The following XKR9 variants were observed in gnomAD, a reference collection of about 807,000 sequenced individuals.
XKR9 encodes XK-related protein 9.
In XKR9, 32 loss-of-function variants were observed where a neutral mutation model predicts 32.0. That is an observed-to-expected ratio of 1.00 (90% CI 0.76 to 1.34). The LOEUF is 1.34. XKR9 is among the 40% of genes most tolerant of loss of function. The pLI, the probability that XKR9 is intolerant of heterozygous loss-of-function variation, is 0.00. For synonymous variants in XKR9, 168 were observed against 143.4 expected (o/e 1.17, Z -1.22); for missense variants, 546 against 429.7 (o/e 1.27, Z -2.39).
intron 2 of XKR9, among the ~76,000 whole-genome samples, chr8:70,789,169 T>C (rs970268055): frequency 1.3e-5 from 2 of 151,988 alleles, no homozygotes; most frequent in Non-Finnish European, 2.9e-5. Flanking sequence ...GTAACTTAGG[T>C]CTGAAGGGAA....
chr8:70,933,167 AAG>A, the XKR9 span, among the ~76,000 whole-genome samples: 251 of 152,204 alleles, frequency 1.6e-3, 1 homozygote, highest in Non-Finnish European at 3.0e-3. Flanking sequence ...TCTATTATTG[AAG>A]AGAGAACATA....
At chr8:70,889,253 A>G in the XKR9 span, among the ~76,000 whole-genome samples, 1 of 149,636 alleles carries the variant, frequency 6.7e-6, no homozygotes, top group African/African-American at 2.5e-5. Flanking sequence ...TTTTTCCTCT[A>G]GTTTGTTGTT....
At chr8:70,724,586 G>A (rs1221944886) in intron 4 of XKR9, among the ~76,000 whole-genome samples, 1 of 152,112 alleles carries the variant, frequency 6.6e-6, no homozygotes. Flanking sequence ...TAGTATCTGG[G>A]CCTGATAGCA....
chr8:70,762,350 T>A (rs1382684783), intron 2 of XKR9, among the ~76,000 whole-genome samples: 1 of 152,216 alleles, frequency 6.6e-6, no homozygotes, highest in Non-Finnish European at 1.5e-5. Flanking sequence ...GGCAACGGAC[T>A]GCCAGTTCGT....
the XKR9 span, among the ~76,000 whole-genome samples, chr8:71,065,475 T>C: frequency 6.6e-6 from 1 of 152,180 alleles, no homozygotes; most frequent in Non-Finnish European, 1.5e-5. Flanking sequence ...TCCTGAACTG[T>C]GAGAAAATTA....
At chr8:71,001,600 A>C in the XKR9 span, among the ~76,000 whole-genome samples, 1 of 152,166 alleles carries the variant, frequency 6.6e-6, no homozygotes, top group East Asian at 1.9e-4. Flanking sequence ...TAAAATGAGG[A>C]TATGTATACC....
At position 70,755,277 on chromosome 8, in the gene XKR9, G is replaced by A. The variant is rs1394411581; in HGVS notation, n.353-34062G>A. On this transcript the variant is annotated intron_variant and non_coding_transcript_variant, in intron 2 of 3. Coordinates refer to the XKR9 transcript ENST00000520273. ...GGAAACAACAGGTGCTGGAGAGGATGTGGAGAAATAGGAACACTTTTACAC... is the reference window on the plus strand; with the variant it reads ...GGAAACAACAGGTGCTGGAGAGGATATGGAGAAATAGGAACACTTTTACAC... 3.9e-5 allele frequency among the ~76,000 whole-genome samples: 6 copies of A among 152,316 alleles called. No individual in the cohort carries two copies. The East Asian group carries it at 9.6e-4, about 24-fold the overall frequency.
the XKR9 span, among the ~76,000 whole-genome samples, chr8:70,814,110 G>A: frequency 2.0e-5 from 3 of 152,146 alleles, no homozygotes; most frequent in Admixed American, 6.5e-5. Context: ...ATACTATGCA[G>A]CCATAAAAAA....
At chr8:70,942,318 G>A in the XKR9 span, among the ~76,000 whole-genome samples, 4 of 152,070 alleles carry the variant, frequency 2.6e-5, no homozygotes, top group Admixed American at 2.0e-4. Flanking sequence ...GACTTTTGTG[G>A]TTCCCTAGGA....
the XKR9 span, among the ~76,000 whole-genome samples, chr8:70,803,276 A>T: frequency 6.6e-6 from 1 of 152,110 alleles, no homozygotes; most frequent in African/African-American, 2.4e-5. Flanking sequence ...CATGAAGAGA[A>T]TTTTTTTAGC....
the XKR9 span, among the ~76,000 whole-genome samples, chr8:70,965,058 G>A: frequency 3.9e-5 from 6 of 152,122 alleles, no homozygotes; most frequent in South Asian, 2.1e-4. Context: ...GCTTCTGCCC[G>A]TTCAATATGA....
chr8:70,735,900 T>C lies in XKR9; in HGVS notation c.*1476T>C, dbSNP rs2130144046. On this transcript the variant is annotated 3_prime_UTR_variant, in exon 5 of 5. Coordinates refer to ENST00000408926, the MANE Select transcript of XKR9 (RefSeq NM_001011720.2). ...TGGGTTGGTTCCAAGTCTTTGCTAT[T>C]GTGAATAGTGCTGCAATAAACATAC... 6.6e-6 allele frequency: 1 copy of C among 152,040 alleles called. No individual in the cohort carries two copies. The highest frequency in any genetic ancestry group is 2.1e-4 in the South Asian group (1 of 4,812). The allele number at this position is 152,040 out of a possible 1,614,324, so 9.4% of individuals were successfully genotyped here.
chr8:70,903,532 TTCTTTATTAG>T, the XKR9 span, among the ~76,000 whole-genome samples: 1 of 152,234 alleles, frequency 6.6e-6, no homozygotes, highest in African/African-American at 2.4e-5. Context: ...CTTTCTTTTC[TTCTTTATTAG>T]TCTTGCTGGC....
chr8:70,858,642 C>A, the XKR9 span, among the ~76,000 whole-genome samples: 1 of 152,028 alleles, frequency 6.6e-6, no homozygotes, highest in Non-Finnish European at 1.5e-5. Context: ...ATCAGCATCA[C>A]ACTGGTATAA....
the XKR9 span, among the ~76,000 whole-genome samples, chr8:71,065,056 G>A: frequency 6.6e-6 from 1 of 152,074 alleles, no homozygotes; most frequent in South Asian, 2.1e-4. Context: ...AAATCACAAA[G>A]TTATTAAATA....
At chr8:70,911,610 C>T in the XKR9 span, among the ~76,000 whole-genome samples, 12 of 151,924 alleles carry the variant, frequency 7.9e-5, no homozygotes, top group African/African-American at 2.7e-4. Context: ...AATAGAGTGG[C>T]GGAATAAGAC....
At chr8:70,775,375 A>G (rs776042674) in intron 2 of XKR9, among the ~76,000 whole-genome samples, 1 of 152,162 alleles carries the variant, frequency 6.6e-6, no homozygotes, top group Non-Finnish European at 1.5e-5. Context: ...GTTACAGCAG[A>G]TATCTTTGCC....
intron 4 of XKR9, among the ~76,000 whole-genome samples, chr8:70,708,182 A>T (rs1563438567): frequency 6.6e-6 from 1 of 152,002 alleles, no homozygotes. Flanking sequence ...TTTGTGATGC[A>T]AATAATTCAT....
At chr8:70,893,625 T>C in the XKR9 span, among the ~76,000 whole-genome samples, 1 of 152,202 alleles carries the variant, frequency 6.6e-6, no homozygotes, top group Admixed American at 6.5e-5. Context: ...ACATTTGCAA[T>C]AACTGTGGGT....
Sources: gnomAD v4.1 joint callset for allele counts (sites outside exome capture counted in the v4.1 genomes callset) on GRCh38, gnomAD v4.1.1 for gene constraint, MANE v1.5 for transcripts, NCBI Gene and HGNC (gene_info 2026-07-23, HGNC 2026-07-21) for gene names.